Variants in PLEC observed in about 807,000 individuals in gnomAD.
PLEC encodes plectin, also known as hemidesmosomal protein 1.
In PLEC, 216 loss-of-function variants were observed where a neutral mutation model predicts 392.8. The ratio of observed to expected loss-of-function variants is 0.55; its 90% confidence interval spans 0.49 to 0.62. The LOEUF is 0.62. Among genes scored for constraint, PLEC ranks in the 20% least tolerant of loss-of-function variants. The pLI, the probability that PLEC is intolerant of heterozygous loss-of-function variation, is 0.00. For synonymous variants in PLEC, 3,621 were observed against 2,980.6 expected (o/e 1.21, Z -7.00); for missense variants, 6,863 against 6,563.4 (o/e 1.05, Z -1.58).
intron 3 of PLEC, among the ~76,000 whole-genome samples, 155 bp downstream of exon 3, chr8:143,937,996 C>T (rs1217407868): frequency 6.6e-6 from 1 of 152,158 alleles, no homozygotes; most frequent in Non-Finnish European, 1.5e-5. Flanking sequence ...GAGGTGCTGC[C>T]AGGGACGAGG....
At chr8:143,936,882 G>A (rs548210309) in intron 5 of PLEC, 97 bp downstream of exon 5, 29 of 973,830 alleles carry the variant, frequency 3.0e-5, no homozygotes, top group Admixed American at 1.8e-4. Context: ...CCCAGGCCAC[G>A]CCCTAGCCAG....
chr8:143,930,517 T>G lies in PLEC; in HGVS notation c.2324A>C (p.Asn775Thr), dbSNP rs1554714110. The change falls in exon 20 of 32, where the codon AAC (asparagine) becomes ACC (threonine). Residue 775 changes from asparagine (N) to threonine (T), a missense_variant. Asn to Thr is a moderately conservative substitution (Grantham distance 65). Coordinates refer to ENST00000345136, the MANE Select transcript of PLEC (RefSeq NM_201384.3). ...GCCTGAGAGGTGGCCCTTGTACTCG[T>G]TCAGCTGTTCCTTCTCGTCCTGTGG... ...QDAQDEKEQLNEYKGHLSGLA... is the reference protein window; with the variant it reads ...QDAQDEKEQLTEYKGHLSGLA... The G allele has an allele frequency of 2.5e-6, 4 of 1,596,068 alleles. No individual in the cohort carries two copies. In the South Asian group the frequency reaches 4.5e-5, roughly 18 times the overall value.
Position 143,922,397 on chromosome 8 carries a change from T to A in PLEC, c.7426-2A>T. 3 of 1,601,482 alleles carry A rather than the reference T, an allele frequency of 1.9e-6. No homozygotes were observed. The highest frequency in any genetic ancestry group is 2.5e-6 in the Non-Finnish European group (3 of 1,179,926). On this transcript the variant is annotated splice_acceptor_variant, in intron 31 of 31. Coordinates refer to ENST00000345136, the MANE Select transcript of PLEC (RefSeq NM_201384.3). LOFTEE classifies it high-confidence loss of function. ...CTGCTCCTGCTGCACCGTCTGCATCTGCAGAAGAAGAGGGTGTGATCAGGG... is the reference window on the plus strand; with the variant it reads ...CTGCTCCTGCTGCACCGTCTGCATCAGCAGAAGAAGAGGGTGTGATCAGGG...
intron 1 of PLEC, among the ~76,000 whole-genome samples, chr8:143,965,436 C>G (rs1368983708): frequency 3.0e-5 from 2 of 67,346 alleles, no homozygotes; most frequent in East Asian, 5.2e-4. Context: ...TTCCACTGGG[C>G]CTACAGATGA....
chr8:143,916,612 C>T lies in PLEC; in HGVS notation c.13209G>A (p.Pro4403=), dbSNP rs200338374. Residue 4403 remains proline, a synonymous_variant, in exon 32 of 32, where the codon CCG becomes CCA. Transcript: ENST00000345136. ...LTGGLIEPDT[P]GRVPLDEALQ... ...GGGCCTCGTCCAGGGGCACGCGGCCCGGCGTGTCGGGCTCGATCAAGCCGC... is the reference window on the plus strand; with the variant it reads ...GGGCCTCGTCCAGGGGCACGCGGCCTGGCGTGTCGGGCTCGATCAAGCCGC... 171 of 1,609,900 alleles carry T rather than the reference C, an allele frequency of 1.1e-4. No individual in the cohort carries two copies. The highest frequency in any genetic ancestry group is 6.3e-4 in the Admixed American group (38 of 59,912).
upstream of PLEC, among the ~76,000 whole-genome samples, chr8:143,952,672 C>T (rs547907643): frequency 6.6e-6 from 1 of 152,060 alleles, no homozygotes; most frequent in African/African-American, 2.4e-5. Context: ...ACCCACGATA[C>T]CCACACTGTC....
Position 143,935,049 on chromosome 8 carries a change from G to T in PLEC, c.787C>A (p.Pro263Thr). The change falls in exon 8 of 32, where the codon CCC becomes ACC. Residue 263 changes from proline to threonine, a missense_variant. By Grantham distance (38) the Pro-to-Thr change is conservative. Transcript: ENST00000345136. ...CCATCCTGCACGTCCGGCACGCGGGGCATGGCGTCATACAGCGACGAGACG... is the reference window on the plus strand; with the variant it reads ...CCATCCTGCACGTCCGGCACGCGGGTCATGGCGTCATACAGCGACGAGACG... ...TYVSSLYDAM[P>T]RVPDVQDGVR... is the part of the protein sequence containing the mutation. 1 of 1,612,830 alleles carries T rather than the reference G, an allele frequency of 6.2e-7. No individual in the cohort carries two copies. Among genetic ancestry groups the T allele is most frequent in the South Asian group, 1.1e-5 (1 of 91,088 alleles).
chr8:143,971,516 C>T (rs1833430210), intron 1 of PLEC, among the ~76,000 whole-genome samples: 2 of 152,134 alleles, frequency 1.3e-5, no homozygotes, highest in South Asian at 2.1e-4. Context: ...AAGGGGCTCA[C>T]AGAGGTCAGG....
At position 143,935,855 on chromosome 8, in the gene PLEC, G is replaced by A. The variant is rs374865893; in HGVS notation, c.595C>T (p.Arg199Trp). 4.3e-6 allele frequency: 7 copies of A among 1,612,840 alleles called. No homozygotes were observed. The highest frequency in any genetic ancestry group is 1.1e-5 in the South Asian group (1 of 91,080). ...DGRLFNAIIH[R>W]HKPLLIDMNK... ...GCCCCCGGGGCCATGTACTTGTGCC[G>A]GTGGATGATGGCATTGAAGAGGCGG... Residue 199 changes from arginine to tryptophan, a missense_variant, in exon 6 of 32, where the codon CGG becomes TGG. By Grantham distance (101) the Arg-to-Trp change is moderately radical. Coordinates refer to ENST00000345136, the MANE Select transcript of PLEC (RefSeq NM_201384.3).
In PLEC at chr8:143,933,058, C is replaced by G; in HGVS notation, c.1472G>C (p.Arg491Pro). ...LVAIRTEYNL[R>P]LKAGVAAPAT... ...AGGGGCCGCCACGCCTGCCTTCAGC[C>G]GTAGGTTGTACTCGGTGCGGATGGC... The change falls in exon 14 of 32, where the codon CGG becomes CCG. Residue 491 changes from arginine to proline, a missense_variant. Physicochemically the swap from Arg to Pro is moderately radical, Grantham distance 103. Transcript: ENST00000345136. 2 of 1,592,240 alleles carry G rather than the reference C, an allele frequency of 1.3e-6. No individual in the cohort carries two copies. Among genetic ancestry groups the G allele is most frequent in the African/African-American group, 2.7e-5 (2 of 74,622 alleles).
upstream of PLEC, chr8:143,939,616 C>T: frequency 6.8e-7 from 1 of 1,471,216 alleles, no homozygotes; most frequent in Non-Finnish European, 9.0e-7. Flanking sequence ...CGGCCACTCC[C>T]TGCCTGCTGT....
At chr8:143,952,305 TGGCAGGGCCAGCTCGCTGC>T (rs1221914434), upstream of PLEC, among the ~76,000 whole-genome samples, 1 of 152,220 alleles carries the variant, frequency 6.6e-6, no homozygotes, top group African/African-American at 2.4e-5. Context: ...CACAGCCCTC[TGGCAGGGCCAGCTCGCTGC>T]GGCATGGCTC....
At chr8:143,961,798 AAC>A (rs1174371579) in intron 1 of PLEC, among the ~76,000 whole-genome samples, 2 of 152,238 alleles carry the variant, frequency 1.3e-5, no homozygotes, top group African/African-American at 4.8e-5. Flanking sequence ...CAGATAAATT[AAC>A]ACACACTAAA....
chr8:143,974,518 G>A (rs564103000), upstream of PLEC, among the ~76,000 whole-genome samples: 1 of 152,318 alleles, frequency 6.6e-6, no homozygotes, highest in South Asian at 2.1e-4. This position sits in a 1 kb window ranked among gnomAD's most constrained non-coding sequence, Gnocchi z 5.9. Flanking sequence ...CCCGCTTCCC[G>A]TCGTCTGCAA....
intron 1 of PLEC, among the ~76,000 whole-genome samples, chr8:143,960,497 A>G (rs1156247511): frequency 4.6e-5 from 7 of 151,064 alleles, no homozygotes; most frequent in Admixed American, 4.6e-4. Flanking sequence ...GGTGCCTGTA[A>G]TCCCAGCTAC....
At position 143,917,383 on chromosome 8, in the gene PLEC, G is replaced by C. The variant is rs781866639; in HGVS notation, c.12438C>G (p.Pro4146=). ...VRKRRVVIVD[P]ETGKEMSVYE... is the part of the protein sequence containing the mutation. Reference sequence around the variant, plus strand: ...ACACTGACATCTCCTTGCCCGTCTCGGGGTCCACGATGACCACTCGGCGCT... The same window carrying C: ...ACACTGACATCTCCTTGCCCGTCTCCGGGTCCACGATGACCACTCGGCGCT... The change falls in exon 32 of 32, where the codon CCC becomes CCG. Residue 4146 remains proline, a synonymous_variant. Coordinates refer to ENST00000345136, the MANE Select transcript of PLEC (RefSeq NM_201384.3). The C allele has an allele frequency of 8.1e-6, 13 of 1,611,460 alleles. No individual in the cohort carries two copies. Among genetic ancestry groups the C allele is most frequent in the Non-Finnish European group, 1.1e-5 (13 of 1,180,014 alleles).
Position 143,918,842 on chromosome 8 carries a change from A to C in PLEC, c.10979T>G (p.Leu3660Arg). The stretch of plus-strand genomic sequence containing the variant: ...CTCCCGGAGCAGGTTGTAGGTCTCG[A>C]GAGAGATGATCCGAGCCTCGAACAG... ...EDLFEARIIS[L>R]ETYNLLREGT... The change falls in exon 32 of 32, where the codon CTC becomes CGC. Residue 3660 changes from leucine (L) to arginine (R), a missense_variant. Transcript: ENST00000345136. 1 of 1,612,986 alleles carries C rather than the reference A, an allele frequency of 6.2e-7. No homozygotes were observed. Among genetic ancestry groups the C allele is most frequent in the East Asian group, 2.2e-5 (1 of 44,860 alleles).
At chr8:143,971,500 A>C (rs1340541601) in intron 1 of PLEC, among the ~76,000 whole-genome samples, 1 of 152,150 alleles carries the variant, frequency 6.6e-6, no homozygotes, top group Non-Finnish European at 1.5e-5. Flanking sequence ...GCCCTCTAGC[A>C]GGTCCAAGGG....
chr8:143,925,641 C>A lies in PLEC; in HGVS notation c.4288G>T (p.Glu1430Ter). ...CGGGCCTTGGCCTGGATCTCCGCCT[C>A]CGAGCTCTGCCGCAGCTGCTGCAGC... ...EELQQLRQSS[E>*]AEIQAKARQA... The change falls in exon 31 of 32, where the codon GAG becomes TAG. Residue 1430 changes from glutamate (E) to a stop codon, truncating the protein, a stop_gained. Transcript: ENST00000345136. LOFTEE classifies it high-confidence loss of function. The A allele has an allele frequency of 6.3e-7, 1 of 1,583,744 alleles. No individual in the cohort carries two copies. The highest frequency in any genetic ancestry group is 1.3e-5 in the African/African-American group (1 of 74,668).
Sources: allele counts gnomAD v4.1 joint callset (sites outside exome capture counted in the v4.1 genomes callset), GRCh38; gene constraint gnomAD v4.1.1; non-coding constraint Gnocchi (gnomAD v3.1); transcripts MANE v1.5; gene names NCBI Gene and HGNC (gene_info 2026-07-23, HGNC 2026-07-21).